Variants in NEMP2 observed in about 807,000 individuals in gnomAD.
NEMP2 encodes nuclear envelope integral membrane protein 2.
Under a neutral mutation model 54.2 loss-of-function variants are expected in NEMP2, and 53 were observed. The ratio of observed to expected loss-of-function variants is 0.98; its 90% CI spans 0.78 to 1.23. NEMP2 has a LOEUF of 1.23. Ranked by LOEUF, NEMP2 falls within the 50% of genes most tolerant of loss-of-function variation. The pLI is 0.00. For synonymous variants in NEMP2, 197 were observed against 190.3 expected (o/e 1.04, Z -0.29); for missense variants, 455 against 511.3 (o/e 0.89, Z 1.06).
At chr2:190,480,996 C>T in the NEMP2 span, among the ~76,000 whole-genome samples, 164 of 152,258 alleles carry the variant, frequency 1.1e-3, no homozygotes, top group African/African-American at 3.6e-3. Flanking sequence ...AGCCTAATGA[C>T]CAAAGCGTAA....
upstream of NEMP2, among the ~76,000 whole-genome samples, chr2:190,537,210 A>G (rs984802896): frequency 6.6e-6 from 1 of 152,262 alleles, no homozygotes; most frequent in African/African-American, 2.4e-5. Context: ...CGTATCAGAA[A>G]TGAAGAATTC....
At chr2:190,498,915 C>T in the NEMP2 span, among the ~76,000 whole-genome samples, 10 of 152,048 alleles carry the variant, frequency 6.6e-5, no homozygotes, top group African/African-American at 1.7e-4. The surrounding 1 kb of genome is among the most constrained non-coding windows in gnomAD (Gnocchi z 5.9). Context: ...TTTGGGAGGC[C>T]GAGGTGGGTG....
the NEMP2 span, among the ~76,000 whole-genome samples, chr2:190,558,631 A>G: frequency 7.2e-5 from 11 of 152,240 alleles, no homozygotes; most frequent in Admixed American, 2.0e-4. This position sits in a 1 kb window ranked among gnomAD's most constrained non-coding sequence, Gnocchi z 4.4. Context: ...GCATACCACC[A>G]TGTAACCCTA....
chr2:190,473,244 C>T, the NEMP2 span, among the ~76,000 whole-genome samples: 1 of 152,000 alleles, frequency 6.6e-6, no homozygotes, highest in East Asian at 1.9e-4. Flanking sequence ...CAATATTAAC[C>T]TTAAATATAA....
chr2:190,559,263 A>G, the NEMP2 span, among the ~76,000 whole-genome samples: 43,964 of 152,064 alleles, frequency 0.29, 6,989 homozygotes, highest in African/African-American at 0.4. The surrounding 1 kb of genome is among the most constrained non-coding windows in gnomAD (Gnocchi z 4.0). Flanking sequence ...AAGTTTGGAA[A>G]GAAAGATAAT....
At chr2:190,466,489 G>A in the NEMP2 span, among the ~76,000 whole-genome samples, 4 of 152,324 alleles carry the variant, frequency 2.6e-5, no homozygotes, top group African/African-American at 7.2e-5. Context: ...GAAGGAATGC[G>A]AATGCTCTTG....
At chr2:190,647,787 T>C in the NEMP2 span, among the ~76,000 whole-genome samples, 3 of 138,110 alleles carry the variant, frequency 2.2e-5, no homozygotes, top group Admixed American at 2.5e-4. Flanking sequence ...CGATCTTGGC[T>C]CACTGCAACC....
the NEMP2 span, among the ~76,000 whole-genome samples, chr2:190,469,265 A>T: frequency 6.6e-6 from 1 of 152,276 alleles, no homozygotes; most frequent in South Asian, 2.1e-4. This position sits in a 1 kb window ranked among gnomAD's most constrained non-coding sequence, Gnocchi z 5.3. Context: ...TCCTTGTGAA[A>T]CTGCTTGGTA....
chr2:190,497,478 G>A, the NEMP2 span: 1 of 1,614,126 alleles, frequency 6.2e-7, no homozygotes, highest in Non-Finnish European at 8.5e-7. The surrounding 1 kb of genome is among the most constrained non-coding windows in gnomAD (Gnocchi z 5.2). Context: ...GTTCCCTCCA[G>A]TCCCGTTCCT....
chr2:190,621,018 AG>A, the NEMP2 span, among the ~76,000 whole-genome samples: 32 of 152,236 alleles, frequency 2.1e-4, no homozygotes, highest in African/African-American at 7.7e-4. Context: ...AGCACTAAAA[AG>A]GATAAAATAA....
At chr2:190,620,718 C>T in the NEMP2 span, among the ~76,000 whole-genome samples, 2 of 152,034 alleles carry the variant, frequency 1.3e-5, no homozygotes, top group Non-Finnish European at 2.9e-5. The surrounding 1 kb of genome is among the most constrained non-coding windows in gnomAD (Gnocchi z 4.9). Flanking sequence ...ACAAGAAGGC[C>T]CACTCTTGTT....
chr2:190,472,481 G>T, the NEMP2 span, among the ~76,000 whole-genome samples: 3 of 152,158 alleles, frequency 2.0e-5, no homozygotes, highest in Non-Finnish European at 4.4e-5. Context: ...GGAAGAAAGG[G>T]TATCAGTGAT....
chr2:190,489,882 C>T, the NEMP2 span: 1 of 1,607,600 alleles, frequency 6.2e-7, no homozygotes. This position sits in a 1 kb window ranked among gnomAD's most constrained non-coding sequence, Gnocchi z 6.6. Context: ...TATTTCCATT[C>T]TTTCTTAATA....
the NEMP2 span, chr2:190,640,879 T>C: frequency 1.4e-5 from 2 of 144,676 alleles, no homozygotes; most frequent in Non-Finnish European, 3.0e-5. Context: ...TGAATCAGCA[T>C]AGTAAAGTAT....
At chr2:190,543,393 TC>T in the NEMP2 span, among the ~76,000 whole-genome samples, 1 of 152,214 alleles carries the variant, frequency 6.6e-6, no homozygotes, top group Non-Finnish European at 1.5e-5. The surrounding 1 kb of genome is among the most constrained non-coding windows in gnomAD (Gnocchi z 4.7). Flanking sequence ...AGGATATTTC[TC>T]CCTGGCTCAC....
the NEMP2 span, chr2:190,437,074 A>G: frequency 6.2e-7 from 1 of 1,614,202 alleles, no homozygotes; most frequent in Non-Finnish European, 8.5e-7. The surrounding 1 kb of genome is among the most constrained non-coding windows in gnomAD (Gnocchi z 5.9). Context: ...GATCGACTAC[A>G]CCCACATCGA....
the NEMP2 span, among the ~76,000 whole-genome samples, chr2:190,468,104 C>CT: frequency 2.8e-4 from 43 of 151,568 alleles, no homozygotes; most frequent in Middle Eastern, 6.8e-3. Context: ...TTTCCTGTGG[C>CT]TTTTTTTTTC....
At chr2:190,548,670 G>A in the NEMP2 span, among the ~76,000 whole-genome samples, 16 of 152,270 alleles carry the variant, frequency 1.1e-4, no homozygotes, top group African/African-American at 3.9e-4. Flanking sequence ...TGTTGTGATA[G>A]CGATCTTTTA....
At chr2:190,588,669 A>G in the NEMP2 span, among the ~76,000 whole-genome samples, 6 of 152,122 alleles carry the variant, frequency 3.9e-5, no homozygotes, top group East Asian at 1.9e-4. This position sits in a 1 kb window ranked among gnomAD's most constrained non-coding sequence, Gnocchi z 5.0. Context: ...CCACATCACA[A>G]TGTAAGTAGG....
Sources: allele counts gnomAD v4.1 joint callset (sites outside exome capture counted in the v4.1 genomes callset), GRCh38; gene constraint gnomAD v4.1.1; non-coding constraint Gnocchi (gnomAD v3.1); transcripts MANE v1.5; gene names NCBI Gene and HGNC (gene_info 2026-07-23, HGNC 2026-07-21).